MAGEA12: variants seen among roughly 807,000 people sequenced by gnomAD.
MAGEA12 encodes melanoma-associated antigen 12.
For synonymous variants in MAGEA12, 135 were observed against 104.7 expected (o/e 1.29, Z -1.77); for missense variants, 235 against 240.1 (o/e 0.98, Z 0.14).
intron 1 of MAGEA12, among the ~76,000 whole-genome samples, chrX:152,734,768 G>A (rs1411572048): frequency 8.9e-6 from 1 of 112,328 alleles, no homozygotes; most frequent in Non-Finnish European, 1.9e-5. Flanking sequence ...GGAATCCCAG[G>A]ATCTGCCGGA....
Position 152,737,484 on chromosome X carries a change from G to A in MAGEA12, c.*378G>A, listed in dbSNP as rs73629840. On this transcript the variant is annotated 3_prime_UTR_variant, in exon 3 of 3. Transcript: ENST00000393869. Reference sequence around the variant, plus strand: ...GTGACAAATAACAGCAGTGGAAAAAGTATGTGCTTAGAATTGTGAAAGAAT... The same window carrying A: ...GTGACAAATAACAGCAGTGGAAAAAATATGTGCTTAGAATTGTGAAAGAAT... 1,995 of 309,834 alleles carry A rather than the reference G, an allele frequency of 6.4e-3. 32 individuals are homozygous for A. Among genetic ancestry groups the A allele is most frequent in the African/African-American group, 0.049 (1,810 of 37,013 alleles). The allele number at this position is 309,834 out of a possible 1,213,427, so 25.5% of individuals were successfully genotyped here. A position where few individuals can be genotyped will look rare whatever the true frequency, so the allele number is the denominator to read the frequency against.
chrX:152,734,562 G>A (rs1195366330), intron 1 of MAGEA12, among the ~76,000 whole-genome samples: 3 of 111,788 alleles, frequency 2.7e-5, no homozygotes, highest in African/African-American at 9.8e-5. Flanking sequence ...CAGGGAGTTG[G>A]AGCCCAGCCC....
intron 2 of MAGEA12, among the ~76,000 whole-genome samples, 185 bp downstream of exon 2, chrX:152,735,438 C>G (rs1232827921): frequency 1.8e-5 from 2 of 111,878 alleles, no homozygotes; most frequent in African/African-American, 3.3e-5. Context: ...GAAGGGGCTG[C>G]ACTCAGGTCA....
rs201495501 is a variant in MAGEA12 at position 152,736,314 on chromosome X, G to T, written c.153G>T (p.Arg51=). The T allele has an allele frequency of 5.8e-6, 7 of 1,209,353 alleles. No homozygotes were observed. In the East Asian group the frequency reaches 2.1e-4, roughly 36 times the overall value. ...SSSTLVEVTL[R]EVPAAESPSP... ...CTACTCTAGTGGAAGTCACCCTGCG[G>T]GAGGTGCCTGCTGCCGAGTCACCAA... is the stretch of plus-strand genomic sequence containing the variant. Residue 51 remains arginine (R), a synonymous_variant, in exon 3 of 3, where the codon CGG becomes CGT. Coordinates refer to ENST00000393869, the MANE Select transcript of MAGEA12 (RefSeq NM_001166387.4).
rs1556225801 is a variant in MAGEA12, at chrX:152,736,677, C to T, written c.516C>T (p.Ile172=). 3.3e-6 allele frequency: 4 copies of T among 1,211,995 alleles called. No homozygotes were observed. The highest frequency in any genetic ancestry group is 4.5e-6 in the Non-Finnish European group (4 of 895,606). Reference sequence around the variant, plus strand: ...TCGAGGTGGTGGAAGTGGTCCGCATCGGCCACTTGTACATCCTTGTCACCT... The same window carrying T: ...TCGAGGTGGTGGAAGTGGTCCGCATTGGCCACTTGTACATCCTTGTCACCT... The part of the protein sequence containing the change: ...FGIEVVEVVR[I]GHLYILVTCL... The change falls in exon 3 of 3, where the codon ATC becomes ATT. Residue 172 remains isoleucine, a synonymous_variant. Coordinates refer to ENST00000393869, the MANE Select transcript of MAGEA12 (RefSeq NM_001166387.4).
intron 2 of MAGEA12, 45 bp downstream of exon 2, chrX:152,735,298 G>T (rs1211625926): frequency 1.7e-5 from 2 of 121,082 alleles, no homozygotes; most frequent in African/African-American, 6.5e-5. Flanking sequence ...GGGCCAGAAC[G>T]CTGACAGAGG....
rs1422367577 is a variant in MAGEA12, at chrX:152,737,537, C to T, written c.*431C>T. On this transcript the variant is annotated 3_prime_UTR_variant, in exon 3 of 3. Transcript: ENST00000393869. ...GCAGTAAAATACATGAGATAAAGAC[C>T]TCAAGAAGTTAAAAGATACTTAATT... is the stretch of plus-strand genomic sequence containing the variant. 1.7e-5 allele frequency: 4 copies of T among 233,596 alleles called. No individual in the cohort carries two copies. Among genetic ancestry groups the T allele is most frequent in the Non-Finnish European group, 3.3e-5 (4 of 121,115 alleles). 19.3% of individuals were successfully genotyped at this position (233,596 alleles called of 1,213,427 possible).
At chrX:152,735,692 G>A (rs1322542947) in intron 2 of MAGEA12, among the ~76,000 whole-genome samples, 1 of 112,302 alleles carries the variant, frequency 8.9e-6, no homozygotes, top group African/African-American at 3.2e-5. Context: ...AAGGAGAAAG[G>A]TGAGGGCCCT....
At position 152,737,641 on chromosome X, in the gene MAGEA12, T is replaced by A. The variant is rs1162042934; in HGVS notation, c.*535T>A. 4.1e-4 allele frequency: 78 copies of A among 188,605 alleles called. No individual in the cohort carries two copies. The highest frequency in any genetic ancestry group is 2.3e-3 in the African/African-American group (74 of 32,522). The allele number at this position is 188,605 out of a possible 1,213,427, so 15.5% of individuals were successfully genotyped here. ...TGGATATCCTTGGCTTCTTTGAGAA[T>A]TTAAGAGAAATTAAATCTGAATAAA... On this transcript the variant is annotated 3_prime_UTR_variant, in exon 3 of 3. Transcript: ENST00000393869.
intron 2 of MAGEA12, among the ~76,000 whole-genome samples, chrX:152,735,668 G>A (rs1469061779): frequency 2.7e-5 from 3 of 112,261 alleles, no homozygotes; most frequent in Non-Finnish European, 5.6e-5. Flanking sequence ...CAAAAGGGCG[G>A]TATTAGGCCC....
chrX:152,735,179 G>A lies in MAGEA12; in HGVS notation c.-150G>A, dbSNP rs1474382050. The A allele has an allele frequency of 4.4e-5, 5 of 114,885 alleles. No homozygotes were observed. Among genetic ancestry groups the A allele is most frequent in the African/African-American group, 1.6e-4 (5 of 30,869 alleles). 9.5% of individuals were successfully genotyped at this position (114,885 alleles called of 1,213,427 possible). ...GGGAGTTGAGGACCTTTTCTTCAGA[G>A]GGTGACTCAGGTCAACACAGGGGCC... On this transcript the variant is annotated 5_prime_UTR_variant, in exon 2 of 3. Transcript: ENST00000393869.
At chrX:152,735,972 C>G in intron 2 of MAGEA12, 115 bp from the exon 3 acceptor site, 1 of 477,639 alleles carries the variant, frequency 2.1e-6, no homozygotes, top group Non-Finnish European at 3.6e-6. Flanking sequence ...CGCACCGGCC[C>G]CAGAACACAT....
chrX:152,735,966 C>G (rs1556226289), intron 2 of MAGEA12, 121 bp from the exon 3 acceptor site: 1 of 462,872 alleles, frequency 2.2e-6, no homozygotes, highest in African/African-American at 2.4e-5. Flanking sequence ...AAGGGCCGCA[C>G]CGGCCCCAGA....
Position 152,736,942 on chromosome X carries a change from G to T in MAGEA12, c.781G>T (p.Val261Phe), listed in dbSNP as rs1932339781. ...GGAAAACTACCTGGAGTACCGGCAG[G>T]TCCCCGGCAGTGATCCTGCATGCTA... ...VQENYLEYRQ[V>F]PGSDPACYEF... Residue 261 changes from valine (V) to phenylalanine (F), a missense_variant, in exon 3 of 3, where the codon GTC becomes TTC. Coordinates refer to ENST00000393869, the MANE Select transcript of MAGEA12 (RefSeq NM_001166387.4). The T allele has an allele frequency of 8.3e-7, 1 of 1,210,392 alleles. No homozygotes were observed. Among genetic ancestry groups the T allele is most frequent in the Non-Finnish European group, 1.1e-6 (1 of 895,345 alleles).
At position 152,737,617 on chromosome X, in the gene MAGEA12, G is replaced by T; in HGVS notation, c.*511G>T. 5.4e-6 allele frequency: 1 copy of T among 186,395 alleles called. No individual in the cohort carries two copies. The highest frequency in any genetic ancestry group is 1.1e-5 in the Non-Finnish European group (1 of 95,072). The allele number at this position is 186,395 out of a possible 1,213,427, so 15.4% of individuals were successfully genotyped here. ...ATTTGAAAAAAAAGCATGGATACCT[G>T]GATATCCTTGGCTTCTTTGAGAATT... On this transcript the variant is annotated 3_prime_UTR_variant, in exon 3 of 3. Transcript: ENST00000393869.
chrX:152,734,312 G>A (rs1279805140), intron 1 of MAGEA12, among the ~76,000 whole-genome samples: 75 of 111,134 alleles, frequency 6.7e-4, no homozygotes, highest in African/African-American at 2.4e-3. Context: ...CGGAAGCTCC[G>A]GGAATGGCGG....
chrX:152,737,190 T>A lies in MAGEA12; in HGVS notation c.*84T>A. Reference sequence around the variant, plus strand: ...CAAGGCCCCATCCATTAGTTTCCACTGCCTCGTGTGACATGAGGCCCATTC... The same window carrying A: ...CAAGGCCCCATCCATTAGTTTCCACAGCCTCGTGTGACATGAGGCCCATTC... On this transcript the variant is annotated 3_prime_UTR_variant, in exon 3 of 3. Coordinates refer to ENST00000393869, the MANE Select transcript of MAGEA12 (RefSeq NM_001166387.4). 1.1e-6 allele frequency: 1 copy of A among 948,946 alleles called. No homozygotes were observed. Among genetic ancestry groups the A allele is most frequent in the Non-Finnish European group, 1.5e-6 (1 of 666,615 alleles). The allele number at this position is 948,946 out of a possible 1,213,427, so 78.2% of individuals were successfully genotyped here.
intron 1 of MAGEA12, chrX:152,734,135 A>AC (rs199609715): frequency 0.47 from 43,402 of 92,138 alleles, 10,233 homozygotes; most frequent in East Asian, 0.64. Flanking sequence ...ACTGAGGGTA[A>AC]CCCCCCGCAC....
In MAGEA12 at chrX:152,735,907, AG is replaced by A. The variant is rs1932306597; in HGVS notation, c.-75-175del. On this transcript the variant is annotated intron_variant, in intron 2 of 2. Coordinates refer to ENST00000393869, the MANE Select transcript of MAGEA12 (RefSeq NM_001166387.4). ...GCAGTGTCCTGAGGTCACAGAGCAG[AG>A]GGGGTGCAGACAGTGCCAACACTGA... 4.4e-5 allele frequency among the ~76,000 whole-genome samples: 5 copies of A among 112,565 alleles called. No homozygotes were observed. The South Asian group carries it at 1.8e-3, about 42-fold the overall frequency.
Sources: allele counts gnomAD v4.1 joint callset (sites outside exome capture counted in the v4.1 genomes callset), GRCh38; gene constraint gnomAD v4.1.1; transcripts MANE v1.5; gene names NCBI Gene and HGNC (gene_info 2026-07-23, HGNC 2026-07-21).